SCAMP1: variants seen among roughly 807,000 people sequenced by gnomAD.
SCAMP1 encodes the protein secretory carrier membrane protein 1.
Under a neutral mutation model 41.8 loss-of-function variants are expected in SCAMP1, and 15 were observed. The ratio of observed to expected loss-of-function variants is 0.36; its 90% CI spans 0.24 to 0.55. The LOEUF (loss-of-function observed/expected upper bound fraction) is 0.55, where lower values mean the gene tolerates loss of function less well. Ranked by LOEUF, SCAMP1 falls within the 20% of genes least tolerant of loss-of-function variation. SCAMP1 has a pLI of 0.86. For synonymous variants in SCAMP1, 135 were observed against 136.8 expected (o/e 0.99, Z 0.09); for missense variants, 341 against 412.6 (o/e 0.83, Z 1.50).
chr5:78,409,046 A>G (rs1561264255), intron 2 of SCAMP1, among the ~76,000 whole-genome samples: 2 of 152,070 alleles, frequency 1.3e-5, no homozygotes, highest in Non-Finnish European at 2.9e-5. Flanking sequence ...ATCCACTGAA[A>G]CGGTCATTTT....
chr5:78,460,795 TCCTTCCTTCCTCCCTTC>T (rs1561287129), intron 8 of SCAMP1, among the ~76,000 whole-genome samples: 3 of 46,086 alleles, frequency 6.5e-5, no homozygotes, highest in African/African-American at 2.2e-4. Flanking sequence ...CTTCCTTCCT[TCCTTCCTTCCTCCCTTC>T]CTTCCTTCCT....
Position 78,457,833 on chromosome 5 carries a change from C to T in SCAMP1, c.735-1412C>T, listed in dbSNP as rs1038892402. 4.3e-5 allele frequency: 7 copies of T among 161,210 alleles called. No individual in the cohort carries two copies. In the East Asian group the frequency reaches 5.6e-4, roughly 13 times the overall value. 10.0% of individuals were successfully genotyped at this position (161,210 alleles called of 1,614,324 possible). A position where few individuals can be genotyped will look rare whatever the true frequency, so the allele number is the denominator to read the frequency against. On this transcript the variant is annotated intron_variant, in intron 7 of 8. Transcript: ENST00000621999. ...CTCAGATTGCTGTGCTAGCAATCAG[C>T]GAGACTCCGTGGGCGTAGGACCCTC... is the stretch of plus-strand genomic sequence containing the variant.
At chr5:78,416,721 G>A (rs1453499048) in intron 4 of SCAMP1, 72 bp downstream of exon 4, 1 of 1,153,288 alleles carries the variant, frequency 8.7e-7, no homozygotes, top group South Asian at 1.5e-5. Flanking sequence ...TAGCTCCTAG[G>A]TCATTTGGCC....
At chr5:78,366,089 T>C (rs1370457643) in intron 1 of SCAMP1, among the ~76,000 whole-genome samples, 1 of 152,048 alleles carries the variant, frequency 6.6e-6, no homozygotes, top group Non-Finnish European at 1.5e-5. Flanking sequence ...TGGCATCTTC[T>C]TTGTGTCCTC....
chr5:78,368,489 CT>C (rs1170413057), intron 1 of SCAMP1, among the ~76,000 whole-genome samples: 16 of 152,206 alleles, frequency 1.1e-4, no homozygotes, highest in African/African-American at 3.1e-4. Flanking sequence ...TGGTTATTTC[CT>C]TAATATGAAC....
chr5:78,364,952 C>T (rs1318843966), intron 1 of SCAMP1, among the ~76,000 whole-genome samples: 2 of 105,656 alleles, frequency 1.9e-5, no homozygotes, highest in African/African-American at 3.7e-5. Flanking sequence ...GGGTGCAGCA[C>T]ACCAACATGG....
intron 7 of SCAMP1, among the ~76,000 whole-genome samples, chr5:78,453,971 G>A (rs1753313197): frequency 6.6e-6 from 1 of 152,168 alleles, no homozygotes; most frequent in South Asian, 2.1e-4. Context: ...GTTCACTCAT[G>A]ATTTGGCTCT....
intron 1 of SCAMP1, among the ~76,000 whole-genome samples, chr5:78,378,845 T>C (rs964490744): frequency 6.6e-6 from 1 of 152,194 alleles, no homozygotes; most frequent in Non-Finnish European, 1.5e-5. Context: ...AATAAGACTA[T>C]CTGAGAATCT....
intron 7 of SCAMP1, among the ~76,000 whole-genome samples, chr5:78,455,625 AGGTGT>A (rs1161119186): frequency 8.4e-6 from 1 of 118,562 alleles, no homozygotes; most frequent in Non-Finnish European, 1.7e-5. Context: ...ATTTTGGAAT[AGGTGT>A]GGTGTGGTGC....
chr5:78,395,907 A>G (rs1751639081), intron 2 of SCAMP1, among the ~76,000 whole-genome samples: 1 of 152,266 alleles, frequency 6.6e-6, no homozygotes, highest in Non-Finnish European at 1.5e-5. Flanking sequence ...GAAGCATGTC[A>G]CAAGTGCTGT....
chr5:78,449,742 G>A (rs1251432487), intron 6 of SCAMP1, among the ~76,000 whole-genome samples, 191 bp from the exon 7 acceptor site: 1 of 152,094 alleles, frequency 6.6e-6, no homozygotes, highest in Admixed American at 6.5e-5. Context: ...TTAGCATGAC[G>A]AGTTCACATA....
At chr5:78,449,722 A>G (rs1753169436) in intron 6 of SCAMP1, among the ~76,000 whole-genome samples, 1 of 152,154 alleles carries the variant, frequency 6.6e-6, no homozygotes, top group African/African-American at 2.4e-5. Context: ...TAGAATAACG[A>G]TATCTAGTGT....
At chr5:78,393,442 G>C (rs1039089076) in intron 2 of SCAMP1, among the ~76,000 whole-genome samples, 2 of 152,192 alleles carry the variant, frequency 1.3e-5, no homozygotes, top group African/African-American at 4.8e-5. Context: ...AAAGTGCTGG[G>C]ATTTTAGGTG....
intron 2 of SCAMP1, 33 bp from the exon 3 acceptor site, chr5:78,415,487 G>A (rs1245282376): frequency 1.5e-6 from 2 of 1,318,176 alleles, no homozygotes; most frequent in African/African-American, 1.5e-5. Context: ...GGATCTCTGT[G>A]TTACATAATT....
intron 1 of SCAMP1, among the ~76,000 whole-genome samples, chr5:78,378,230 G>T (rs1751113232): frequency 6.6e-6 from 1 of 152,166 alleles, no homozygotes; most frequent in South Asian, 2.1e-4. Context: ...ATAATGTATA[G>T]CTGTACAATA....
chr5:78,437,419 T>C (rs1580694671), intron 6 of SCAMP1, among the ~76,000 whole-genome samples: 1 of 152,254 alleles, frequency 6.6e-6, no homozygotes, highest in East Asian at 1.9e-4. Context: ...GTTTTTAGCG[T>C]GAAGCGCTGT....
intron 6 of SCAMP1, among the ~76,000 whole-genome samples, chr5:78,431,654 GTC>G (rs1752627991): frequency 6.9e-6 from 1 of 144,246 alleles, no homozygotes; most frequent in Admixed American, 7.2e-5. Context: ...TACAATATAT[GTC>G]TCTAATCATA....
intron 7 of SCAMP1, among the ~76,000 whole-genome samples, chr5:78,450,524 A>G (rs2112209611): frequency 6.6e-6 from 1 of 152,330 alleles, no homozygotes; most frequent in Middle Eastern, 3.4e-3. Context: ...AAACAATCGA[A>G]TCATTCTCAT....
At chr5:78,361,191 T>G (rs1580633531) in intron 1 of SCAMP1, 1 of 161,732 alleles carries the variant, frequency 6.2e-6, no homozygotes. Context: ...ATGGCAGAGG[T>G]GTGGAGGAGG....
Sources: allele counts gnomAD v4.1 joint callset (sites outside exome capture counted in the v4.1 genomes callset), GRCh38; gene constraint gnomAD v4.1.1; transcripts MANE v1.5; gene names NCBI Gene and HGNC (gene_info 2026-07-23, HGNC 2026-07-21).